The following PARD3B variants were observed in gnomAD, a reference collection of about 807,000 sequenced individuals.
The protein encoded by PARD3B is partitioning defective 3 homolog B.
In PARD3B, 103 loss-of-function variants were observed where a neutral mutation model predicts 130.2. The ratio of observed to expected loss-of-function variants is 0.79; its 90% confidence interval spans 0.67 to 0.93. The LOEUF is 0.93. PARD3B is among the 40% of genes least tolerant of loss of function. The pLI is 0.00. For synonymous variants in PARD3B, 583 were observed against 553.2 expected, an observed-to-expected ratio of 1.05 and a Z score of -0.76; for missense variants, 1,609 against 1,499.2, an observed-to-expected ratio of 1.07 and a Z score of -1.21.
intron 3 of PARD3B, among the ~76,000 whole-genome samples, chr2:204,999,732 TGATAAA>T (rs1462413301): frequency 2.0e-5 from 3 of 152,174 alleles, no homozygotes; most frequent in African/African-American, 4.8e-5. Flanking sequence ...GTATTGTAGG[TGATAAA>T]GATAAAGTGG....
At chr2:204,978,958 C>G (rs1692423367) in intron 3 of PARD3B, among the ~76,000 whole-genome samples, 1 of 132,542 alleles carries the variant, frequency 7.5e-6, no homozygotes, top group Non-Finnish European at 1.6e-5. Flanking sequence ...AAATGAGACC[C>G]TGGCCTCAAA....
chr2:204,895,939 A>C (rs886951407), intron 2 of PARD3B, among the ~76,000 whole-genome samples: 1 of 152,222 alleles, frequency 6.6e-6, no homozygotes, highest in African/African-American at 2.4e-5. Flanking sequence ...CAGGATATAA[A>C]CAAAGGATAG....
intron 19 of PARD3B, among the ~76,000 whole-genome samples, chr2:205,426,735 A>G (rs1047827746): frequency 1.6e-4 from 24 of 152,200 alleles, no homozygotes; most frequent in Non-Finnish European, 3.2e-4. Flanking sequence ...AAAATAAATC[A>G]AGAAATAGTA....
At chr2:204,893,809 A>T (rs952313007) in intron 2 of PARD3B, among the ~76,000 whole-genome samples, 1 of 152,178 alleles carries the variant, frequency 6.6e-6, no homozygotes, top group African/African-American at 2.4e-5. Flanking sequence ...TGAATAGCTC[A>T]GTTCTTAAGA....
At position 205,385,515 on chromosome 2, in the gene PARD3B, C is replaced by A. The variant is rs567450803; in HGVS notation, c.2631-15498C>A. 3.9e-5 allele frequency among the ~76,000 whole-genome samples: 6 copies of A among 152,248 alleles called. No homozygotes were observed. The East Asian group carries it at 1.2e-3, about 29-fold the overall frequency. On this transcript the variant is annotated intron_variant, in intron 18 of 22. Coordinates refer to ENST00000406610, the MANE Select transcript of PARD3B (RefSeq NM_001302769.2). ...GGCTTTCTGGAAAAACACTGATAAT[C>A]CGTATGTTCAGTATTCTAAAAAATA... is the stretch of plus-strand genomic sequence containing the variant.
rs533861058 is a variant in PARD3B, at chr2:205,168,790, G to A, written c.1621-3421G>A. 6.0e-5 allele frequency among the ~76,000 whole-genome samples: 9 copies of A among 150,490 alleles called. No homozygotes were observed. In the South Asian group the frequency reaches 1.9e-3, roughly 32 times the overall value. On this transcript the variant is annotated intron_variant, in intron 11 of 22. Coordinates refer to ENST00000406610, the MANE Select transcript of PARD3B (RefSeq NM_001302769.2). Reference sequence around the variant, plus strand: ...TCCAGGAGATATCTGGTAGCATATTGTCCTCTCTGGTTCTGAAAGTCTTTT... The same window carrying A: ...TCCAGGAGATATCTGGTAGCATATTATCCTCTCTGGTTCTGAAAGTCTTTT...
At chr2:204,695,012 G>A (rs181839991) in intron 2 of PARD3B, among the ~76,000 whole-genome samples, 1 of 152,126 alleles carries the variant, frequency 6.6e-6, no homozygotes, top group African/African-American at 2.4e-5. Flanking sequence ...TGTTTGATAT[G>A]TGTGTAAAAT....
chr2:205,315,474 T>G (rs1407911863), intron 18 of PARD3B, among the ~76,000 whole-genome samples: 1 of 152,216 alleles, frequency 6.6e-6, no homozygotes, highest in Non-Finnish European at 1.5e-5. Flanking sequence ...CCTAGGATCA[T>G]CTACAGAGCT....
rs543796512 is a variant in PARD3B at position 204,904,701 on chromosome 2, C to A, written c.223-60451C>A. On this transcript the variant is annotated intron_variant, in intron 2 of 22. Coordinates refer to ENST00000406610, the MANE Select transcript of PARD3B (RefSeq NM_001302769.2). ...TTTTTTTTTAGAAATTCTGAACTAT[C>A]CATGAAAGATTTTGTTTTTTATAAT... Among the ~76,000 whole-genome samples, 5 of 151,790 alleles carry A rather than the reference C, an allele frequency of 3.3e-5. No homozygotes were observed. In the East Asian group the frequency reaches 9.7e-4, roughly 29 times the overall value.
intron 13 of PARD3B, among the ~76,000 whole-genome samples, chr2:205,185,376 A>G (rs1321483620): frequency 6.6e-6 from 1 of 152,220 alleles, no homozygotes; most frequent in African/African-American, 2.4e-5. Flanking sequence ...TTTAATCACC[A>G]TATAATCCAG....
intron 18 of PARD3B, among the ~76,000 whole-genome samples, chr2:205,312,307 T>A (rs2042416098): frequency 6.6e-6 from 1 of 151,974 alleles, no homozygotes; most frequent in African/African-American, 2.4e-5. Context: ...CAGGCTAGAG[T>A]TAAGGTGCTT....
chr2:205,262,580 T>C (rs2040356008), intron 16 of PARD3B, among the ~76,000 whole-genome samples: 1 of 152,056 alleles, frequency 6.6e-6, no homozygotes, highest in Non-Finnish European at 1.5e-5. Flanking sequence ...TTCAAAAGTA[T>C]AAGAAAGGGG....
chr2:204,945,455 T>A (rs916693781), intron 2 of PARD3B, among the ~76,000 whole-genome samples: 3 of 152,200 alleles, frequency 2.0e-5, no homozygotes, highest in African/African-American at 7.2e-5. Flanking sequence ...AAGCTTCTCA[T>A]CTCACAGTGT....
chr2:205,553,244 C>CTGAT, intron 21 of PARD3B, 80 bp from the exon 22 acceptor site: 1 of 1,351,906 alleles, frequency 7.4e-7, no homozygotes, highest in Non-Finnish European at 1.0e-6. Context: ...CATTTGTGCA[C>CTGAT]TGATTATAAT....
intron 2 of PARD3B, among the ~76,000 whole-genome samples, chr2:204,950,350 A>G (rs10490277): frequency 0.18 from 27,411 of 152,174 alleles, 3,090 homozygotes; most frequent in African/African-American, 0.32. Flanking sequence ...GTATAGATGA[A>G]ATTGAAGCTC....
chr2:205,551,755 C>T (rs2052655289), intron 21 of PARD3B, among the ~76,000 whole-genome samples: 1 of 152,152 alleles, frequency 6.6e-6, no homozygotes. Flanking sequence ...TTATGGAGAG[C>T]CGGGACTTTT....
At chr2:205,267,230 A>G (rs2040542626) in intron 16 of PARD3B, among the ~76,000 whole-genome samples, 1 of 152,196 alleles carries the variant, frequency 6.6e-6, no homozygotes. Context: ...CTCTTTTAAC[A>G]TTTATATGCT....
chr2:204,547,667 G>A lies in PARD3B; in HGVS notation c.120+1548G>A, dbSNP rs2030089085. ...ACAGATTATTGAAATAGATCTCATT[G>A]AGGGATTGTCTTACCAAATTGAAGT... On this transcript the variant is annotated intron_variant, in intron 1 of 22. Coordinates refer to ENST00000406610, the MANE Select transcript of PARD3B (RefSeq NM_001302769.2). Among the ~76,000 whole-genome samples the A allele has an allele frequency of 1.3e-5, 2 of 152,104 alleles. 1 individual carries two copies. Among genetic ancestry groups the A allele is most frequent in the South Asian group, 4.1e-4 (2 of 4,822 alleles).
At chr2:204,557,779 A>G (rs187325416) in intron 1 of PARD3B, among the ~76,000 whole-genome samples, 2 of 152,316 alleles carry the variant, frequency 1.3e-5, no homozygotes, top group East Asian at 3.9e-4. Context: ...TATCTGCCAC[A>G]CTGATTGTCT....
Sources: allele counts gnomAD v4.1 joint callset (sites outside exome capture counted in the v4.1 genomes callset), GRCh38; gene constraint gnomAD v4.1.1; transcripts MANE v1.5; gene names NCBI Gene and HGNC (gene_info 2026-07-23, HGNC 2026-07-21).